SYT1: variants seen among roughly 807,000 people sequenced by gnomAD.
SYT1 encodes synaptotagmin-1.
SYT1 carries 8 observed loss-of-function variants against 44.8 expected under a neutral mutation model. The ratio of observed to expected loss-of-function variants is 0.18; its 90% CI spans 0.10 to 0.32. The LOEUF is 0.32. Ranked by LOEUF, SYT1 falls within the 10% of genes least tolerant of loss-of-function variation. The pLI, the probability that SYT1 is intolerant of heterozygous loss-of-function variation, is 1.00. For missense variants in SYT1, 286 were observed against 509.3 expected, an observed-to-expected ratio of 0.56 and a Z score of 4.22; for synonymous variants, 154 against 188.8, an observed-to-expected ratio of 0.82 and a Z score of 1.51.
chr12:79,220,478 C>T lies in SYT1; in HGVS notation c.166+2793C>T, dbSNP rs145457764. Among the ~76,000 whole-genome samples the T allele has an allele frequency of 8.6e-5, 13 of 151,640 alleles. No individual in the cohort carries two copies. The East Asian group carries it at 2.1e-3, about 25-fold the overall frequency. ...TTGAGCTTAGTTTGTCTTTGTTTTT[C>T]TAATTTCTTGAGGTTCAACATTAGG... is the stretch of plus-strand genomic sequence containing the variant. On this transcript the variant is annotated intron_variant, in intron 4 of 10. Coordinates refer to ENST00000261205, the MANE Select transcript of SYT1 (RefSeq NM_005639.3).
intron 3 of SYT1, among the ~76,000 whole-genome samples, chr12:79,108,444 C>A (rs1231360124): frequency 6.6e-6 from 1 of 151,588 alleles, no homozygotes; most frequent in Non-Finnish European, 1.5e-5. Flanking sequence ...ATTAAAAATT[C>A]AATATAACAA....
At chr12:79,290,857 G>A (rs1012214540) in intron 5 of SYT1, among the ~76,000 whole-genome samples, 6 of 152,100 alleles carry the variant, frequency 3.9e-5, no homozygotes, top group African/African-American at 1.4e-4. Context: ...TGTACAGGCA[G>A]TCCCCAGAAG....
chr12:79,315,952 C>T (rs1881062694), intron 8 of SYT1, among the ~76,000 whole-genome samples: 1 of 152,200 alleles, frequency 6.6e-6, no homozygotes, highest in African/African-American at 2.4e-5. Flanking sequence ...TGTTTTCATA[C>T]TGTAGCTTCT....
intron 9 of SYT1, among the ~76,000 whole-genome samples, chr12:79,390,588 G>T (rs554086242): frequency 6.6e-6 from 1 of 151,696 alleles, no homozygotes; most frequent in Non-Finnish European, 1.5e-5. Flanking sequence ...TTGTTTCAGC[G>T]TTACCCACTG....
chr12:78,865,508 G>A (rs1275282812), intron 1 of SYT1, among the ~76,000 whole-genome samples: 1 of 151,882 alleles, frequency 6.6e-6, no homozygotes, highest in Non-Finnish European at 1.5e-5. Flanking sequence ...CTTTCTTAGA[G>A]GAAAGAGGGG....
intron 3 of SYT1, among the ~76,000 whole-genome samples, chr12:79,109,847 A>G (rs1878917571): frequency 6.6e-6 from 1 of 152,130 alleles, no homozygotes. Context: ...AGTAAATTCC[A>G]ACCACAGAAC....
chr12:79,241,464 GT>G (rs1466711427), intron 4 of SYT1, among the ~76,000 whole-genome samples: 2 of 152,020 alleles, frequency 1.3e-5, no homozygotes, highest in Non-Finnish European at 2.9e-5. Flanking sequence ...TACAGATGGG[GT>G]TTCGCCATGT....
At chr12:78,945,131 G>A (rs879237093) in intron 1 of SYT1, among the ~76,000 whole-genome samples, 1 of 152,078 alleles carries the variant, frequency 6.6e-6, no homozygotes, top group Non-Finnish European at 1.5e-5. Context: ...TGTAGCCACA[G>A]GTGTGTATAG....
intron 9 of SYT1, among the ~76,000 whole-genome samples, chr12:79,390,832 A>G (rs1884629416): frequency 1.3e-5 from 2 of 151,998 alleles, no homozygotes; most frequent in South Asian, 4.2e-4. Context: ...TTCAATCCCA[A>G]CCTCACTGCT....
intron 3 of SYT1, among the ~76,000 whole-genome samples, chr12:79,197,913 CA>C (rs1421203890): frequency 3.3e-5 from 5 of 151,996 alleles, no homozygotes; most frequent in Non-Finnish European, 5.9e-5. Context: ...ACTCTGGATA[CA>C]ACTAAGACAG....
chr12:79,335,844 C>G (rs537314779), intron 8 of SYT1, among the ~76,000 whole-genome samples: 8 of 152,316 alleles, frequency 5.3e-5, no homozygotes, highest in African/African-American at 1.9e-4. Flanking sequence ...GAACTTGTTT[C>G]TGTTCTGGAT....
At chr12:79,438,261 C>A (rs1342778296) in intron 9 of SYT1, among the ~76,000 whole-genome samples, 3 of 151,994 alleles carry the variant, frequency 2.0e-5, no homozygotes, top group South Asian at 2.1e-4. Flanking sequence ...CCTCTTACTC[C>A]CTGGCCAAAA....
At chr12:78,954,408 G>A (rs1337605470) in intron 1 of SYT1, among the ~76,000 whole-genome samples, 1 of 151,762 alleles carries the variant, frequency 6.6e-6, no homozygotes, top group Non-Finnish European at 1.5e-5. Flanking sequence ...TTTTATATTT[G>A]AATATATAGT....
At chr12:79,317,376 T>G (rs1881142437) in intron 8 of SYT1, among the ~76,000 whole-genome samples, 1 of 152,206 alleles carries the variant, frequency 6.6e-6, no homozygotes, top group African/African-American at 2.4e-5. Flanking sequence ...CTCTTCTTAC[T>G]TTTTGCTCTA....
intron 9 of SYT1, among the ~76,000 whole-genome samples, chr12:79,424,573 T>C (rs1869320901): frequency 6.6e-6 from 1 of 152,016 alleles, no homozygotes. Context: ...AACATTTCTT[T>C]CATTTGTACA....
intron 4 of SYT1, among the ~76,000 whole-genome samples, chr12:79,276,844 A>G (rs1013265698): frequency 6.6e-6 from 1 of 151,966 alleles, no homozygotes; most frequent in Non-Finnish European, 1.5e-5. Context: ...TAACAAAAAC[A>G]AAAAGAAATA....
intron 3 of SYT1, among the ~76,000 whole-genome samples, chr12:79,184,897 T>G (rs1872722789): frequency 2.0e-5 from 3 of 152,072 alleles, no homozygotes; most frequent in Admixed American, 2.0e-4. Flanking sequence ...AGGGAATATT[T>G]CTCTTTAAAC....
At chr12:79,353,678 G>A (rs1882999634) in intron 9 of SYT1, 59 bp downstream of exon 9, 1 of 1,239,712 alleles carries the variant, frequency 8.1e-7, no homozygotes, top group Non-Finnish European at 1.2e-6. Context: ...GATACCAAAT[G>A]CATGGCGCAC....
At chr12:79,053,022 A>T (rs1165165935) in intron 3 of SYT1, among the ~76,000 whole-genome samples, 1 of 152,164 alleles carries the variant, frequency 6.6e-6, no homozygotes, top group Non-Finnish European at 1.5e-5. Context: ...CACCCAAAGG[A>T]TTATAAATCA....
Sources: allele counts gnomAD v4.1 joint callset (sites outside exome capture counted in the v4.1 genomes callset), GRCh38; gene constraint gnomAD v4.1.1; transcripts MANE v1.5; gene names NCBI Gene and HGNC (gene_info 2026-07-23, HGNC 2026-07-21).